Variants in LINGO2 observed in about 807,000 individuals in gnomAD.
LINGO2 encodes the protein leucine rich repeat and Ig domain containing 2, also known as leucine-rich repeat and immunoglobulin-like domain-containing nogo receptor-interacting protein 2.
Under a neutral mutation model 30.6 loss-of-function variants are expected in LINGO2, and 14 were observed. The observed-to-expected ratio is 0.46, with a 90% CI of 0.30 to 0.72. The LOEUF (loss-of-function observed/expected upper bound fraction) is 0.72. Among genes scored for constraint, LINGO2 ranks in the 30% least tolerant of loss-of-function variants. The pLI is 0.07. For synonymous variants in LINGO2, 317 were observed against 288.5 expected, an observed-to-expected ratio of 1.10 and a Z score of -1.00; for missense variants, 729 against 751.7, an observed-to-expected ratio of 0.97 and a Z score of 0.35.
rs763284293 is a variant in LINGO2, at chr9:27,981,534, C to CAAAAAAAAA, written c.-36+30812_-36+30820dup. On this transcript the variant is annotated intron_variant, in intron 5 of 5. Transcript: ENST00000379992. ...ATGAAAGGATAAATGACGAGGATGG[C>CAAAAAAAAA]AAAAAAAAAAAAAAAAGAAAAAAAA... 3.3e-3 allele frequency among the ~76,000 whole-genome samples: 131 copies of CAAAAAAAAA among 39,280 alleles called. 2 individuals are homozygous for CAAAAAAAAA. Among genetic ancestry groups the CAAAAAAAAA allele is most frequent in the Non-Finnish European group, 4.4e-3 (81 of 18,348 alleles). 25.8% of individuals were successfully genotyped at this position (39,280 alleles called of 152,430 possible).
the LINGO2 span, among the ~76,000 whole-genome samples, chr9:28,763,575 A>G: frequency 6.6e-6 from 1 of 151,982 alleles, no homozygotes; most frequent in Non-Finnish European, 1.5e-5. Flanking sequence ...GCCTACATTA[A>G]AAAAGAAAAA....
intron 4 of LINGO2, among the ~76,000 whole-genome samples, chr9:28,044,121 C>CT (rs1417023890): frequency 6.6e-6 from 1 of 152,134 alleles, no homozygotes; most frequent in Non-Finnish European, 1.5e-5. Context: ...ATCAACTACA[C>CT]TATGTGTGTT....
chr9:28,484,017 A>T (rs1460522255), intron 1 of LINGO2, among the ~76,000 whole-genome samples: 1 of 152,070 alleles, frequency 6.6e-6, no homozygotes, highest in Non-Finnish European at 1.5e-5. Flanking sequence ...TACCAGGCTA[A>T]GCTTTATCTA....
At chr9:28,234,283 C>T (rs1397377036) in intron 4 of LINGO2, among the ~76,000 whole-genome samples, 1 of 152,164 alleles carries the variant, frequency 6.6e-6, no homozygotes, top group Non-Finnish European at 1.5e-5. Flanking sequence ...AAGCTAACAT[C>T]AGCAGTGGCA....
intron 3 of LINGO2, among the ~76,000 whole-genome samples, chr9:28,355,130 G>T (rs1159313540): frequency 6.6e-6 from 1 of 152,030 alleles, no homozygotes; most frequent in Non-Finnish European, 1.5e-5. Flanking sequence ...AAACATAGCA[G>T]TCTAATAGAC....
the LINGO2 span, among the ~76,000 whole-genome samples, chr9:29,103,243 A>C: frequency 6.6e-6 from 1 of 151,362 alleles, no homozygotes; most frequent in South Asian, 2.1e-4. Flanking sequence ...TTTCACCATT[A>C]TCTGAACTTG....
At chr9:28,619,313 C>T (rs1236306198) in intron 1 of LINGO2, among the ~76,000 whole-genome samples, 1 of 151,950 alleles carries the variant, frequency 6.6e-6, no homozygotes, top group African/African-American at 2.4e-5. Flanking sequence ...CAGAAGAAAC[C>T]TGAAAATTAT....
chr9:29,099,734 A>C, the LINGO2 span, among the ~76,000 whole-genome samples: 3 of 152,176 alleles, frequency 2.0e-5, no homozygotes, highest in Non-Finnish European at 4.4e-5. Context: ...GGCAATAACA[A>C]ATGCTGGCAA....
At chr9:28,032,933 G>C (rs529929321) in intron 4 of LINGO2, among the ~76,000 whole-genome samples, 1 of 152,188 alleles carries the variant, frequency 6.6e-6, no homozygotes, top group Non-Finnish European at 1.5e-5. Context: ...GTGCCTGAAA[G>C]TTTTAGGAGA....
chr9:28,587,264 A>C (rs962016070), intron 1 of LINGO2, among the ~76,000 whole-genome samples: 1 of 152,014 alleles, frequency 6.6e-6, no homozygotes, highest in Non-Finnish European at 1.5e-5. Flanking sequence ...AGCATTAATG[A>C]AATTCTGAAG....
Position 28,378,256 on chromosome 9 carries a change from A to C in LINGO2, c.-278-5388T>G, listed in dbSNP as rs374327436. ...GAAAATAGTTGCTACATATCCAGGA[A>C]GAGCTACTAGCTTTAGTTCTATCTT... On this transcript the variant is annotated intron_variant, in intron 2 of 5. Transcript: ENST00000379992. Among the ~76,000 whole-genome samples the C allele has an allele frequency of 4.6e-5, 7 of 152,326 alleles. No individual in the cohort carries two copies. In the East Asian group the frequency reaches 5.8e-4, roughly 13 times the overall value.
At chr9:28,554,122 T>G (rs1052621904) in intron 1 of LINGO2, among the ~76,000 whole-genome samples, 12 of 151,362 alleles carry the variant, frequency 7.9e-5, no homozygotes, top group Non-Finnish European at 1.5e-4. Flanking sequence ...AACATCATAA[T>G]GACAGGATCA....
chr9:29,178,909 T>C, the LINGO2 span, among the ~76,000 whole-genome samples: 5 of 151,676 alleles, frequency 3.3e-5, no homozygotes, highest in African/African-American at 4.8e-5. Context: ...GGAAGACCAC[T>C]TGAACCCTGG....
chr9:28,811,013 C>T, the LINGO2 span, among the ~76,000 whole-genome samples: 3 of 152,126 alleles, frequency 2.0e-5, no homozygotes, highest in South Asian at 2.1e-4. Flanking sequence ...CAGCTGACTA[C>T]TCCTTGTCAC....
At chr9:28,282,005 T>C (rs1162646404) in intron 4 of LINGO2, among the ~76,000 whole-genome samples, 1 of 152,046 alleles carries the variant, frequency 6.6e-6, no homozygotes, top group Non-Finnish European at 1.5e-5. Flanking sequence ...AACTTCAATG[T>C]CCAGTCACGG....
rs1364825694 is a variant in LINGO2, at chr9:28,112,053, T to TC, written c.-86-99649dup. On this transcript the variant is annotated intron_variant, in intron 4 of 5. Transcript: ENST00000379992. ...TAGGTATATCTCCCAATGCTATCCC[T>TC]CCCCCCTCCCCCGACCCCACCACAG... Among the ~76,000 whole-genome samples the TC allele has an allele frequency of 2.9e-5, 3 of 101,976 alleles. No homozygotes were observed. In the Admixed American group the frequency reaches 3.2e-4, roughly 11 times the overall value. 66.9% of individuals were successfully genotyped at this position (101,976 alleles called of 152,430 possible).
chr9:28,282,111 G>A (rs1823348880), intron 4 of LINGO2, among the ~76,000 whole-genome samples: 1 of 152,040 alleles, frequency 6.6e-6, no homozygotes, highest in African/African-American at 2.4e-5. Flanking sequence ...ATTAGACTTG[G>A]GAAGTAGAAA....
intron 3 of LINGO2, among the ~76,000 whole-genome samples, chr9:28,372,142 A>G (rs61234498): frequency 0.78 from 119,016 of 151,848 alleles, 47,864 homozygotes; most frequent in Middle Eastern, 0.9. Context: ...AAAATGTTAC[A>G]TACTTCCAAC....
the LINGO2 span, among the ~76,000 whole-genome samples, chr9:29,009,855 G>A: frequency 6.6e-6 from 1 of 152,094 alleles, no homozygotes; most frequent in African/African-American, 2.4e-5. Flanking sequence ...GAACAGAACA[G>A]AGCACTCAGA....
Sources: allele counts gnomAD v4.1 joint callset (sites outside exome capture counted in the v4.1 genomes callset), GRCh38; gene constraint gnomAD v4.1.1; transcripts MANE v1.5; gene names NCBI Gene and HGNC (gene_info 2026-07-23, HGNC 2026-07-21).